Variants in SRPK2 observed in about 807,000 individuals in gnomAD.
The protein encoded by SRPK2 is SRSF protein kinase 2, also known as SFRS protein kinase 2.
In SRPK2, 21 loss-of-function variants were observed where a neutral mutation model predicts 90.8. The observed-to-expected ratio is 0.23, with a 90% confidence interval of 0.16 to 0.33. The LOEUF (loss-of-function observed/expected upper bound fraction) is 0.33. SRPK2 is among the 10% of genes least tolerant of loss of function. SRPK2 has a pLI of 1.00. For synonymous variants in SRPK2, 288 were observed against 311.1 expected (o/e 0.93, Z 0.78); for missense variants, 620 against 869.0 (o/e 0.71, Z 3.60).
chr7:105,125,818 A>G, intron 15 of SRPK2: 2 of 1,292,506 alleles, frequency 1.5e-6, no homozygotes, highest in African/African-American at 1.5e-5. Context: ...TATTTCCCCA[A>G]CATAGCGTAT....
intron 7 of SRPK2, among the ~76,000 whole-genome samples, chr7:105,159,466 A>AAAAAAAACAAC (rs1554428675): frequency 1.8e-5 from 2 of 114,228 alleles, no homozygotes. Flanking sequence ...AAAAAAAAAA[A>AAAAAAAACAAC]AAAAAAACCG....
chr7:105,283,138 A>G (rs1055727025), intron 2 of SRPK2, among the ~76,000 whole-genome samples: 1 of 152,222 alleles, frequency 6.6e-6, no homozygotes, highest in African/African-American at 2.4e-5. Context: ...AAAGACAGAT[A>G]ATACCTATTA....
intron 7 of SRPK2, among the ~76,000 whole-genome samples, chr7:105,151,214 T>C (rs1584963772): frequency 6.6e-6 from 1 of 152,140 alleles, no homozygotes. Context: ...GTTAAGATAA[T>C]TGAAACCATT....
In SRPK2 at chr7:105,252,448, G is replaced by A. The variant is rs537416774; in HGVS notation, c.72-48663C>T. Among the ~76,000 whole-genome samples the A allele has an allele frequency of 2.0e-5, 3 of 152,222 alleles. No individual in the cohort carries two copies. In the East Asian group the frequency reaches 5.8e-4, roughly 29 times the overall value. ...GAAAGGTTAAAATAACAGTTCACTG[G>A]CGTTCTCATCTGAAAAGAAAAAGTT... On this transcript the variant is annotated intron_variant, in intron 2 of 15. Transcript: ENST00000393651.
intron 7 of SRPK2, among the ~76,000 whole-genome samples, chr7:105,151,891 G>A (rs1288252776): frequency 1.3e-5 from 2 of 151,956 alleles, no homozygotes; most frequent in Admixed American, 1.3e-4. Context: ...AGGCATGGTG[G>A]TGCATGCCTG....
chr7:105,280,180 T>C (rs959653515), intron 2 of SRPK2, among the ~76,000 whole-genome samples: 1 of 152,058 alleles, frequency 6.6e-6, no homozygotes, highest in Non-Finnish European at 1.5e-5. Flanking sequence ...TTTGGGAGGC[T>C]GAAGTGGGCA....
At chr7:105,202,746 C>A (rs962980212) in intron 3 of SRPK2, among the ~76,000 whole-genome samples, 5 of 152,192 alleles carry the variant, frequency 3.3e-5, no homozygotes, top group Non-Finnish European at 7.4e-5. Context: ...CACAGAATGT[C>A]TTTTTCGTTA....
intron 6 of SRPK2, among the ~76,000 whole-genome samples, chr7:105,162,617 A>C (rs1289124548): frequency 1.3e-5 from 2 of 152,218 alleles, no homozygotes; most frequent in East Asian, 3.8e-4. Flanking sequence ...ACTGTTTAAG[A>C]ATGTAAGCAC....
At chr7:105,166,694 G>C (rs977933127) in intron 6 of SRPK2, among the ~76,000 whole-genome samples, 2 of 152,128 alleles carry the variant, frequency 1.3e-5, no homozygotes, top group Non-Finnish European at 2.9e-5. Flanking sequence ...GATTTATCAA[G>C]GAGTATAGAA....
chr7:105,321,738 C>G (rs1482585782), intron 2 of SRPK2, among the ~76,000 whole-genome samples: 1 of 152,024 alleles, frequency 6.6e-6, no homozygotes, highest in Non-Finnish European at 1.5e-5. Flanking sequence ...AAAAACGAGG[C>G]ACAACTTCAC....
chr7:105,232,224 T>A (rs2129619926), intron 2 of SRPK2, among the ~76,000 whole-genome samples: 1 of 152,258 alleles, frequency 6.6e-6, no homozygotes, highest in South Asian at 2.1e-4. Context: ...CCCGGCACTT[T>A]GGGAGGCGGA....
At chr7:105,224,372 C>G (rs2158620) in intron 2 of SRPK2, among the ~76,000 whole-genome samples, 143,518 of 152,022 alleles carry the variant, frequency 0.94, 67,823 homozygotes, top group African/African-American at 0.98. Context: ...GACTTTGGGA[C>G]TCTGAGGCGG....
chr7:105,273,121 A>C (rs1806043883), intron 2 of SRPK2, among the ~76,000 whole-genome samples: 1 of 151,986 alleles, frequency 6.6e-6, no homozygotes, highest in South Asian at 2.1e-4. Context: ...AGGCTGAGGC[A>C]GGAGAATGGC....
intron 2 of SRPK2, among the ~76,000 whole-genome samples, chr7:105,287,655 GA>G (rs1478403325): frequency 2.0e-5 from 3 of 152,104 alleles, no homozygotes; most frequent in Non-Finnish European, 4.4e-5. Flanking sequence ...AGAATCGCTT[GA>G]ACCCAGGAGG....
At chr7:105,125,871 T>C in intron 15 of SRPK2, 1 of 1,300,534 alleles carries the variant, frequency 7.7e-7, no homozygotes, top group Non-Finnish European at 1.0e-6. Context: ...CAATGCTATG[T>C]GATCTGCATT....
At chr7:105,189,467 G>C (rs1794000863) in intron 3 of SRPK2, 2 of 153,922 alleles carry the variant, frequency 1.3e-5, no homozygotes, top group Admixed American at 1.3e-4. Flanking sequence ...AGAAGGAAGT[G>C]TAAGCAAAGA....
At chr7:105,259,273 C>G (rs6973708) in intron 2 of SRPK2, among the ~76,000 whole-genome samples, 65,749 of 151,940 alleles carry the variant, frequency 0.43, 15,595 homozygotes, top group South Asian at 0.53. Flanking sequence ...TGAGTGAACT[C>G]CCATTCACAA....
At position 105,330,149 on chromosome 7, in the gene SRPK2, C is replaced by T. The variant is rs149376637; in HGVS notation, c.71+58499G>A. Reference sequence around the variant, plus strand: ...GGTCAAGAGATTGAGACCATCCTGGCTAACACGGTGAAACCCCATCTCTAC... The same window carrying T: ...GGTCAAGAGATTGAGACCATCCTGGTTAACACGGTGAAACCCCATCTCTAC... On this transcript the variant is annotated intron_variant, in intron 2 of 15. Transcript: ENST00000393651. Among the ~76,000 whole-genome samples, 779 of 152,118 alleles carry T rather than the reference C, an allele frequency of 5.1e-3. 11 individuals are homozygous for T. The East Asian group carries it at 0.055, about 11-fold the overall frequency.
At chr7:105,295,345 TA>T (rs530486096) in intron 2 of SRPK2, among the ~76,000 whole-genome samples, 3 of 151,770 alleles carry the variant, frequency 2.0e-5, no homozygotes, top group South Asian at 4.1e-4. Context: ...ACATATTATA[TA>T]AATATTTTTA....
Sources: allele counts gnomAD v4.1 joint callset (sites outside exome capture counted in the v4.1 genomes callset), GRCh38; gene constraint gnomAD v4.1.1; transcripts MANE v1.5; gene names NCBI Gene and HGNC (gene_info 2026-07-23, HGNC 2026-07-21).